ABCC9: variants seen among roughly 807,000 people sequenced by gnomAD.
ABCC9 encodes ATP-binding cassette sub-family C member 9.
A neutral mutation model predicts 188.3 loss-of-function variants in ABCC9; 95 were observed. The observed-to-expected ratio is 0.50, with a 90% CI of 0.43 to 0.60. The LOEUF is 0.60. Among genes scored for constraint, ABCC9 ranks in the 20% least tolerant of loss-of-function variants. The probability of loss-of-function intolerance (pLI) is 0.00; values close to 1 mark genes in which losing one functional copy is unlikely to be tolerated. For synonymous variants in ABCC9, 659 were observed against 652.7 expected (o/e 1.01, Z -0.15); for missense variants, 1,102 against 1,876.3 (o/e 0.59, Z 7.62).
chr12:21,797,958 C>G lies in ABCC9; in HGVS notation c.*3086G>C, dbSNP rs1297269658. ...GGTGGTCATCTTTTACAGATATGTA[C>G]CTATATAGTCAAATATTATTTCAAG... On this transcript the variant is annotated 3_prime_UTR_variant, in exon 40 of 40. Transcript: ENST00000261200. 4 of 151,828 alleles carry G rather than the reference C, an allele frequency of 2.6e-5. No individual in the cohort carries two copies. The highest frequency in any genetic ancestry group is 9.7e-5 in the African/African-American group (4 of 41,320). The allele number at this position is 151,828 out of a possible 1,614,324, so 9.4% of individuals were successfully genotyped here.
At chr12:21,815,217 C>T (rs192749074) in intron 34 of ABCC9, among the ~76,000 whole-genome samples, 4 of 151,356 alleles carry the variant, frequency 2.6e-5, no homozygotes, top group Admixed American at 1.3e-4. Flanking sequence ...AAACAGTTCT[C>T]ACCAAATCTT....
At chr12:21,837,472 T>C (rs897151752) in intron 30 of ABCC9, among the ~76,000 whole-genome samples, 3 of 152,182 alleles carry the variant, frequency 2.0e-5, no homozygotes, top group Non-Finnish European at 4.4e-5. Context: ...TTAAATGAAA[T>C]TTTCAGTAAT....
intron 37 of ABCC9, among the ~76,000 whole-genome samples, chr12:21,808,485 A>G (rs1486931098): frequency 2.6e-5 from 4 of 152,194 alleles, no homozygotes; most frequent in South Asian, 2.1e-4. Flanking sequence ...GACTAGAAAG[A>G]TGCAACTGTC....
chr12:21,918,704 C>T (rs1456983286), intron 5 of ABCC9, among the ~76,000 whole-genome samples: 5 of 152,060 alleles, frequency 3.3e-5, no homozygotes, highest in Admixed American at 3.3e-4. Flanking sequence ...TCCAGGTTCT[C>T]ACCAGGTTCT....
chr12:21,936,689 T>C lies in ABCC9; in HGVS notation c.-15A>G. 6.2e-7 allele frequency: 1 copy of C among 1,600,700 alleles called. No homozygotes were observed. The highest frequency in any genetic ancestry group is 1.1e-5 in the South Asian group (1 of 90,572). ...GAAAGGCTCATTTCTTCTTATATGGTTTACTCTAAAAGGGAGAGAAATGAG... is the reference window on the plus strand; with the variant it reads ...GAAAGGCTCATTTCTTCTTATATGGCTTACTCTAAAAGGGAGAGAAATGAG... On this transcript the variant is annotated 5_prime_UTR_variant, in exon 3 of 40. Coordinates refer to ENST00000261200, the MANE Select transcript of ABCC9 (RefSeq NM_020297.4).
At chr12:21,937,147 T>C (rs901179292) in intron 2 of ABCC9, among the ~76,000 whole-genome samples, 1 of 152,186 alleles carries the variant, frequency 6.6e-6, no homozygotes, top group Non-Finnish European at 1.5e-5. Context: ...GTGACAGAGT[T>C]TGCTGAAACA....
At chr12:21,868,162 CA>C (rs563771601) in intron 18 of ABCC9, among the ~76,000 whole-genome samples, 49 of 152,248 alleles carry the variant, frequency 3.2e-4, no homozygotes, top group African/African-American at 1.2e-3. Flanking sequence ...CAGACTAGGT[CA>C]AAGGAAGCAA....
chr12:21,861,861 G>A (rs1238392489), intron 20 of ABCC9, among the ~76,000 whole-genome samples: 1 of 152,110 alleles, frequency 6.6e-6, no homozygotes, highest in Admixed American at 6.6e-5. Context: ...CTTCCACACT[G>A]TCATGCATGC....
intron 36 of ABCC9, 49 bp downstream of exon 36, chr12:21,812,000 C>T: frequency 2.2e-6 from 3 of 1,358,738 alleles, no homozygotes; most frequent in South Asian, 1.2e-5. Context: ...TTCTATGAGT[C>T]AAAGGCTAAA....
At chr12:21,909,872 T>C (rs559454401) in intron 10 of ABCC9, among the ~76,000 whole-genome samples, 13 of 152,040 alleles carry the variant, frequency 8.6e-5, no homozygotes, top group Middle Eastern at 3.4e-3. Flanking sequence ...CGAGAAGTAC[T>C]ATTATTATTC....
intron 24 of ABCC9, among the ~76,000 whole-genome samples, chr12:21,850,930 C>T (rs1944932664): frequency 6.6e-6 from 1 of 151,844 alleles, no homozygotes; most frequent in Admixed American, 6.6e-5. Flanking sequence ...GTGATTTGTC[C>T]TATTCTGCTT....
chr12:21,914,485 G>A lies in ABCC9; in HGVS notation c.816+1183C>T, dbSNP rs1948451877. On this transcript the variant is annotated intron_variant, in intron 7 of 39. Transcript: ENST00000261200. ...AGACAATGCCCTTTTATTTAATTTA[G>A]TCTCTCATTTTGAACTATAGAAGCT... Among the ~76,000 whole-genome samples the A allele has an allele frequency of 4.6e-5, 7 of 152,200 alleles. No individual in the cohort carries two copies. In the South Asian group the frequency reaches 1.2e-3, roughly 27 times the overall value.
At chr12:21,811,973 G>A in intron 36 of ABCC9, 76 bp downstream of exon 36, 1 of 1,021,788 alleles carries the variant, frequency 9.8e-7, no homozygotes, top group Non-Finnish European at 1.6e-6. Context: ...CCTGAAAAAT[G>A]ACTCTGAGTA....
chr12:21,857,456 T>A (rs1281146334), intron 22 of ABCC9, among the ~76,000 whole-genome samples: 1 of 152,036 alleles, frequency 6.6e-6, no homozygotes, highest in African/African-American at 2.4e-5. Context: ...AACTTTCCAA[T>A]AATAAGAGCT....
intron 31 of ABCC9, among the ~76,000 whole-genome samples, chr12:21,820,072 G>A (rs1377811107): frequency 6.6e-6 from 1 of 152,036 alleles, no homozygotes; most frequent in Admixed American, 6.6e-5. Context: ...AATATTTACA[G>A]CAATATGAAT....
intron 28 of ABCC9, 49 bp from the exon 29 acceptor site, chr12:21,842,520 G>T: frequency 1.3e-6 from 2 of 1,582,622 alleles, no homozygotes; most frequent in Non-Finnish European, 1.7e-6. Context: ...GTGAAATATT[G>T]GCTGCAATGT....
chr12:21,906,513 A>G (rs775981454), intron 11 of ABCC9, among the ~76,000 whole-genome samples: 1 of 152,084 alleles, frequency 6.6e-6, no homozygotes, highest in Non-Finnish European at 1.5e-5. Flanking sequence ...AAAAACATGT[A>G]TGTCTCTGTT....
chr12:21,920,977 G>A (rs1303504037), intron 5 of ABCC9, among the ~76,000 whole-genome samples: 1 of 151,950 alleles, frequency 6.6e-6, no homozygotes, highest in Non-Finnish European at 1.5e-5. Flanking sequence ...TCTGTTTATG[G>A]ACACTTAGGT....
At position 21,802,139 on chromosome 12, in the gene ABCC9, TC is replaced by T. The variant is rs57842532; in HGVS notation, c.4513-959del. Among the ~76,000 whole-genome samples the T allele has an allele frequency of 5.8e-3, 887 of 152,256 alleles. 12 individuals carry two copies. The highest frequency in any genetic ancestry group is 0.02 in the African/African-American group (832 of 41,546). On this transcript the variant is annotated intron_variant, in intron 39 of 39. Coordinates refer to ENST00000261200, the MANE Select transcript of ABCC9 (RefSeq NM_020297.4). ...GCTTTACCACCTGTTAGTAGTGCAA[TC>T]TTGAGCAATATACTTAACATTGTAT...
Sources: gnomAD v4.1 joint callset for allele counts (sites outside exome capture counted in the v4.1 genomes callset) on GRCh38, gnomAD v4.1.1 for gene constraint, MANE v1.5 for transcripts, NCBI Gene and HGNC (gene_info 2026-07-23, HGNC 2026-07-21) for gene names.